The following PIK3R5 variants were observed in gnomAD, a reference collection of about 807,000 sequenced individuals.
PIK3R5 encodes the protein phosphoinositide 3-kinase regulatory subunit 5.
Under a neutral mutation model 94.9 loss-of-function variants are expected in PIK3R5, and 32 were observed. The observed-to-expected ratio is 0.34, with a 90% confidence interval of 0.25 to 0.45. The LOEUF (loss-of-function observed/expected upper bound fraction) is 0.45. Among genes scored for constraint, PIK3R5 ranks in the 20% least tolerant of loss-of-function variants. The pLI, the probability that PIK3R5 is intolerant of heterozygous loss-of-function variation, is 1.00. For synonymous variants in PIK3R5, 443 were observed against 479.4 expected (o/e 0.92, Z 0.99); for missense variants, 853 against 1,144.6 (o/e 0.75, Z 3.68).
In PIK3R5 at chr17:8,884,804, C is replaced by T; in HGVS notation, c.2129-21G>A. On this transcript the variant is annotated intron_variant, in intron 14 of 18. Transcript: ENST00000447110. This position sits in a 1 kb window ranked among gnomAD's most constrained non-coding sequence, Gnocchi z 5.8. Reference sequence around the variant, plus strand: ...AGGACCTGTGCCACACACAGACAGACCCTTCACTACCCCTGGCTTCCCCGG... The same window carrying T: ...AGGACCTGTGCCACACACAGACAGATCCTTCACTACCCCTGGCTTCCCCGG... 6.2e-7 allele frequency: 1 copy of T among 1,609,882 alleles called. No homozygotes were observed. Among genetic ancestry groups the T allele is most frequent in the South Asian group, 1.1e-5 (1 of 91,036 alleles).
At chr17:8,953,341 C>T (rs1372848156) in intron 1 of PIK3R5, among the ~76,000 whole-genome samples, 1 of 152,154 alleles carries the variant, frequency 6.6e-6, no homozygotes, top group East Asian at 1.9e-4. Flanking sequence ...TGTTCAACTC[C>T]ACCCATCATC....
intron 1 of PIK3R5, among the ~76,000 whole-genome samples, chr17:8,940,708 G>C (rs1023644989): frequency 3.3e-5 from 5 of 152,122 alleles, no homozygotes; most frequent in Non-Finnish European, 5.9e-5. Context: ...TTACAGGCAT[G>C]AGCCATCATG....
intron 5 of PIK3R5, among the ~76,000 whole-genome samples, chr17:8,894,323 C>T (rs150692529): frequency 1.8e-4 from 27 of 152,328 alleles, no homozygotes; most frequent in Non-Finnish European, 2.8e-4. Flanking sequence ...CCCCCTCTCC[C>T]GGTCCGGGGT....
Position 8,888,696 on chromosome 17 carries a change from G to A in PIK3R5, c.1091C>T (p.Ser364Phe), listed in dbSNP as rs1292652931. 6.2e-7 allele frequency: 1 copy of A among 1,613,952 alleles called. No individual in the cohort carries two copies. Among genetic ancestry groups the A allele is most frequent in the Non-Finnish European group, 8.5e-7 (1 of 1,180,028 alleles). The stretch of plus-strand genomic sequence containing the variant: ...CGAGAGGGCCGGCCCCGAGGCCTGG[G>A]AGGATGCAAGGGACAAGGTGGAGTC... Reference protein sequence around the residue: ...SHDSTLSLASSQASGPALSRH... With the variant: ...SHDSTLSLASFQASGPALSRH... The change falls in exon 10 of 19, where the codon TCC becomes TTC. Residue 364 changes from serine to phenylalanine, a missense_variant. Ser to Phe is a radical substitution (Grantham distance 155, BLOSUM62 -2). Coordinates refer to ENST00000447110, the MANE Select transcript of PIK3R5 (RefSeq NM_001142633.3). This position sits in a 1 kb window ranked among gnomAD's most constrained non-coding sequence, Gnocchi z 7.8.
chr17:8,962,264 T>C (rs921520831), intron 1 of PIK3R5, among the ~76,000 whole-genome samples: 17 of 152,176 alleles, frequency 1.1e-4, no homozygotes, highest in South Asian at 8.3e-4. Context: ...CATGAAGTCA[T>C]AGCCAAAGGA....
chr17:8,932,424 AG>A (rs1464972425), intron 1 of PIK3R5, among the ~76,000 whole-genome samples: 1 of 152,116 alleles, frequency 6.6e-6, no homozygotes, highest in Non-Finnish European at 1.5e-5. Context: ...TAATAGAGAC[AG>A]GGTTTCACCA....
intron 14 of PIK3R5, among the ~76,000 whole-genome samples, chr17:8,885,703 T>C (rs866629248): frequency 5.9e-3 from 29 of 4,918 alleles, no homozygotes; most frequent in Admixed American, 0.01. Flanking sequence ...AACCCCGCCC[T>C]CCCATGGCCC....
chr17:8,953,624 G>A (rs1012308818), intron 1 of PIK3R5, among the ~76,000 whole-genome samples: 2 of 152,194 alleles, frequency 1.3e-5, no homozygotes, highest in Non-Finnish European at 2.9e-5. Flanking sequence ...AACAACCTCA[G>A]GTCTTCAGAA....
intron 1 of PIK3R5, among the ~76,000 whole-genome samples, chr17:8,918,796 T>A (rs1238028375): frequency 1.3e-5 from 2 of 152,186 alleles, no homozygotes; most frequent in Non-Finnish European, 2.9e-5. Context: ...ACATTAACCA[T>A]ATGATCAAGG....
chr17:8,880,988 C>T lies in PIK3R5; in HGVS notation c.2412G>A (p.Lys804=), dbSNP rs1304100322. The T allele has an allele frequency of 1.2e-6, 2 of 1,614,038 alleles. No homozygotes were observed. Among genetic ancestry groups the T allele is most frequent in the African/African-American group, 2.7e-5 (2 of 74,922 alleles). The change falls in exon 18 of 19, where the codon AAG becomes AAA. Residue 804 remains lysine, a synonymous_variant. Transcript: ENST00000447110. ...AGCTGTTGGAGCCGATGATCTGCAC[C>T]TTGTCCACTTTGATCTGCGATGTGC... ...QISTSQIKVD[K]VQIIGSNSCP...
chr17:8,883,975 C>G (rs2089746559), intron 15 of PIK3R5, among the ~76,000 whole-genome samples: 1 of 152,214 alleles, frequency 6.6e-6, no homozygotes, highest in African/African-American at 2.4e-5. Context: ...ACACCACCGT[C>G]CATCTGCTGT....
At chr17:8,929,505 C>T (rs73253062) in intron 1 of PIK3R5, among the ~76,000 whole-genome samples, 6,912 of 152,218 alleles carry the variant, frequency 0.045, 538 homozygotes, top group African/African-American at 0.16. Context: ...CTAAAAGACA[C>T]AGCAAACCTA....
chr17:8,939,642 A>G (rs2151453754), intron 1 of PIK3R5, among the ~76,000 whole-genome samples: 1 of 152,330 alleles, frequency 6.6e-6, no homozygotes, highest in South Asian at 2.1e-4. Flanking sequence ...TGCTACTGAT[A>G]TGACTGTGGT....
At chr17:8,942,762 C>G (rs996834791) in intron 1 of PIK3R5, among the ~76,000 whole-genome samples, 1 of 151,968 alleles carries the variant, frequency 6.6e-6, no homozygotes, top group African/African-American at 2.4e-5. Context: ...TCCGCCACCA[C>G]GCCCGGCTAA....
intron 5 of PIK3R5, among the ~76,000 whole-genome samples, chr17:8,899,157 C>T (rs1303437100): frequency 6.6e-6 from 1 of 152,206 alleles, no homozygotes; most frequent in East Asian, 1.9e-4. Context: ...GTGGCACTGA[C>T]GTGAGGTTTC....
intron 11 of PIK3R5, 115 bp from the exon 12 acceptor site, chr17:8,887,336 G>T: frequency 6.9e-7 from 1 of 1,450,318 alleles, no homozygotes; most frequent in Non-Finnish European, 9.4e-7. Flanking sequence ...TGCCCTTGGG[G>T]AAGTATGACA....
At chr17:8,897,068 T>C (rs577372434) in intron 5 of PIK3R5, among the ~76,000 whole-genome samples, 8 of 151,802 alleles carry the variant, frequency 5.3e-5, no homozygotes, top group Non-Finnish European at 1.2e-4. Flanking sequence ...TCACTGGGGG[T>C]CCCATGTATA....
chr17:8,918,294 A>G lies in PIK3R5; in HGVS notation c.-13-6787T>C, dbSNP rs75810625. The stretch of plus-strand genomic sequence containing the variant: ...CTAGGATTGAAACAGGAAATATACA[A>G]AATAAACCCAGCACATCTTGTAGTG... On this transcript the variant is annotated intron_variant, in intron 1 of 18. Coordinates refer to ENST00000447110, the MANE Select transcript of PIK3R5 (RefSeq NM_001142633.3). 4.7e-3 allele frequency among the ~76,000 whole-genome samples: 723 copies of G among 152,314 alleles called. 5 individuals are homozygous for G. The highest frequency in any genetic ancestry group is 0.017 in the African/African-American group (695 of 41,580).
chr17:8,884,796 C>T lies in PIK3R5; in HGVS notation c.2129-13G>A. The T allele has an allele frequency of 3.7e-6, 6 of 1,611,936 alleles. No homozygotes were observed. The highest frequency in any genetic ancestry group is 5.1e-6 in the Non-Finnish European group (6 of 1,179,144). On this transcript the variant is annotated splice_polypyrimidine_tract_variant and intron_variant, in intron 14 of 18. Transcript: ENST00000447110. The surrounding 1 kb of genome is among the most constrained non-coding windows in gnomAD (Gnocchi z 5.8). Reference sequence around the variant, plus strand: ...TTGCTGCCAGGACCTGTGCCACACACAGACAGACCCTTCACTACCCCTGGC... The same window carrying T: ...TTGCTGCCAGGACCTGTGCCACACATAGACAGACCCTTCACTACCCCTGGC...
Sources: allele counts gnomAD v4.1 joint callset (sites outside exome capture counted in the v4.1 genomes callset), GRCh38; gene constraint gnomAD v4.1.1; non-coding constraint Gnocchi (gnomAD v3.1); transcripts MANE v1.5; gene names NCBI Gene and HGNC (gene_info 2026-07-23, HGNC 2026-07-21).